CTNND2: variants seen among roughly 807,000 people sequenced by gnomAD.
The protein encoded by CTNND2 is catenin delta-2.
A neutral mutation model predicts 144.4 loss-of-function variants in CTNND2; 22 were observed. The ratio of observed to expected loss-of-function variants is 0.15; its 90% CI spans 0.11 to 0.22. The LOEUF is 0.22. Ranked by LOEUF, CTNND2 falls within the 10% of genes least tolerant of loss-of-function variation. The pLI, the probability that CTNND2 is intolerant of heterozygous loss-of-function variation, is 1.00. For missense variants in CTNND2, 1,353 were observed against 1,618.8 expected (o/e 0.84, Z 2.82); for synonymous variants, 751 against 695.6 (o/e 1.08, Z -1.25).
At chr5:11,789,664 T>C (rs1409693525) in intron 1 of CTNND2, among the ~76,000 whole-genome samples, 1 of 152,152 alleles carries the variant, frequency 6.6e-6, no homozygotes, top group African/African-American at 2.4e-5. Context: ...GTATATAGAC[T>C]ATAAAGTCTA....
chr5:11,690,341 T>C (rs1439431431), intron 2 of CTNND2, among the ~76,000 whole-genome samples: 1 of 152,218 alleles, frequency 6.6e-6, no homozygotes, highest in Non-Finnish European at 1.5e-5. Context: ...CAAGAAAGCA[T>C]ACTATTGCAA....
At chr5:11,837,796 G>A (rs1302585988) in intron 1 of CTNND2, among the ~76,000 whole-genome samples, 1 of 152,118 alleles carries the variant, frequency 6.6e-6, no homozygotes, top group Non-Finnish European at 1.5e-5. Context: ...ACTATAGAGG[G>A]AGATGATAAT....
chr5:11,132,521 G>A (rs1755725256), intron 12 of CTNND2, among the ~76,000 whole-genome samples: 1 of 151,310 alleles, frequency 6.6e-6, no homozygotes, highest in African/African-American at 2.5e-5. Context: ...GGAGTTGGCT[G>A]TCTGCAACCC....
chr5:11,206,816 G>C (rs930636827), intron 10 of CTNND2, among the ~76,000 whole-genome samples: 4 of 152,142 alleles, frequency 2.6e-5, no homozygotes, highest in Non-Finnish European at 5.9e-5. Flanking sequence ...TCATCAGTCA[G>C]AGGCAAATAT....
intron 2 of CTNND2, among the ~76,000 whole-genome samples, chr5:11,598,387 T>C (rs1372495447): frequency 6.6e-6 from 1 of 152,152 alleles, no homozygotes; most frequent in Admixed American, 6.5e-5. Context: ...AGTTTCTAGG[T>C]GTGCCAGGAC....
chr5:11,352,447 A>T (rs1443076103), intron 8 of CTNND2, among the ~76,000 whole-genome samples: 1 of 152,192 alleles, frequency 6.6e-6, no homozygotes, highest in Non-Finnish European at 1.5e-5. Flanking sequence ...TAATACATGC[A>T]GGGTTTAATA....
chr5:10,999,454 T>C (rs1739692847), intron 18 of CTNND2, among the ~76,000 whole-genome samples: 1 of 152,182 alleles, frequency 6.6e-6, no homozygotes, highest in Non-Finnish European at 1.5e-5. Context: ...GTACAGCTCA[T>C]AGGGGTTAGA....
At chr5:11,294,281 T>G (rs1748664702) in intron 9 of CTNND2, among the ~76,000 whole-genome samples, 1 of 152,170 alleles carries the variant, frequency 6.6e-6, no homozygotes, top group African/African-American at 2.4e-5. Flanking sequence ...GCATGCCTTT[T>G]TAGTATTTGG....
chr5:11,526,015 T>C (rs1773212601), intron 3 of CTNND2, among the ~76,000 whole-genome samples: 1 of 152,210 alleles, frequency 6.6e-6, no homozygotes, highest in Non-Finnish European at 1.5e-5. Flanking sequence ...AGGATTCTCC[T>C]GCCTCAGCCT....
At chr5:11,490,337 C>T (rs1043768166) in intron 3 of CTNND2, among the ~76,000 whole-genome samples, 6 of 152,052 alleles carry the variant, frequency 3.9e-5, no homozygotes, top group Non-Finnish European at 8.8e-5. Flanking sequence ...CCTTTATGTG[C>T]TATTTATAAA....
chr5:11,494,161 T>G (rs1204862096), intron 3 of CTNND2, among the ~76,000 whole-genome samples: 2 of 152,192 alleles, frequency 1.3e-5, no homozygotes, highest in African/African-American at 2.4e-5. Flanking sequence ...ATATCCTGAT[T>G]AGCAGGTTTC....
At chr5:11,669,737 G>T (rs1002219704) in intron 2 of CTNND2, among the ~76,000 whole-genome samples, 39 of 151,464 alleles carry the variant, frequency 2.6e-4, no homozygotes, top group Admixed American at 2.4e-3. Context: ...GGTATTTTGT[G>T]TCTCTATCTC....
chr5:11,145,173 T>A (rs1217757802), intron 12 of CTNND2, among the ~76,000 whole-genome samples: 1 of 152,118 alleles, frequency 6.6e-6, no homozygotes, highest in East Asian at 1.9e-4. Context: ...ATCTTAACCA[T>A]TTTTAAACGT....
At chr5:11,204,298 T>C (rs1001437054) in intron 10 of CTNND2, among the ~76,000 whole-genome samples, 1 of 149,400 alleles carries the variant, frequency 6.7e-6, no homozygotes, top group Non-Finnish European at 1.5e-5. Flanking sequence ...CTAGAATGTA[T>C]TCCCAGTTTG....
At chr5:11,218,869 T>A (rs930314864) in intron 10 of CTNND2, among the ~76,000 whole-genome samples, 1 of 152,152 alleles carries the variant, frequency 6.6e-6, no homozygotes, top group African/African-American at 2.4e-5. Flanking sequence ...GATTGCTGGG[T>A]CTTTCTGGCA....
chr5:11,862,319 T>C (rs1340646993), intron 1 of CTNND2, among the ~76,000 whole-genome samples: 1 of 152,238 alleles, frequency 6.6e-6, no homozygotes, highest in Admixed American at 6.5e-5. Context: ...GCACTTGTTA[T>C]AGTAATTCAT....
intron 2 of CTNND2, among the ~76,000 whole-genome samples, chr5:11,590,876 G>T (rs1014123725): frequency 1.3e-5 from 2 of 152,218 alleles, no homozygotes; most frequent in African/African-American, 2.4e-5. Flanking sequence ...TCACCCAAGT[G>T]AATAAACAGG....
chr5:11,374,172 A>T (rs1409975361), intron 7 of CTNND2, among the ~76,000 whole-genome samples: 1 of 152,174 alleles, frequency 6.6e-6, no homozygotes, highest in African/African-American at 2.4e-5. Context: ...AAGCTAGGGA[A>T]AAGACCCCTA....
intron 5 of CTNND2, among the ~76,000 whole-genome samples, chr5:11,406,881 C>T (rs1761141782): frequency 6.6e-6 from 1 of 151,978 alleles, no homozygotes; most frequent in East Asian, 1.9e-4. Flanking sequence ...TTTCTTCCTA[C>T]TGAATAATGG....
Sources: allele counts gnomAD v4.1 joint callset (sites outside exome capture counted in the v4.1 genomes callset), GRCh38; gene constraint gnomAD v4.1.1; transcripts MANE v1.5; gene names NCBI Gene and HGNC (gene_info 2026-07-23, HGNC 2026-07-21).